Variants in SLC30A9 observed in about 807,000 individuals in gnomAD.
SLC30A9 encodes proton-coupled zinc antiporter SLC30A9, mitochondrial.
In SLC30A9, 58 loss-of-function variants were observed where a neutral mutation model predicts 87.5. The ratio of observed to expected loss-of-function variants is 0.66; its 90% CI spans 0.54 to 0.82. The LOEUF (loss-of-function observed/expected upper bound fraction) is 0.82, where lower values mean the gene tolerates loss of function less well. Ranked by LOEUF, SLC30A9 falls within the 40% of genes least tolerant of loss-of-function variation. The pLI, the probability that SLC30A9 is intolerant of heterozygous loss-of-function variation, is 0.00. For missense variants in SLC30A9, 557 were observed against 679.1 expected, an observed-to-expected ratio of 0.82 and a Z score of 2.00; for synonymous variants, 234 against 233.0, an observed-to-expected ratio of 1.00 and a Z score of -0.04.
Position 42,010,291 on chromosome 4 carries a change from G to A in SLC30A9, c.275-7820G>A, listed in dbSNP as rs1329316557. Among the ~76,000 whole-genome samples, 9 of 152,006 alleles carry A rather than the reference G, an allele frequency of 5.9e-5. No homozygotes were observed. The East Asian group carries it at 1.4e-3, about 23-fold the overall frequency. Reference sequence around the variant, plus strand: ...AGTTTGAGACCAGCCTGGGTAACATGGGGAGGGAGACCCTGTCTCTACAAA... The same window carrying A: ...AGTTTGAGACCAGCCTGGGTAACATAGGGAGGGAGACCCTGTCTCTACAAA... On this transcript the variant is annotated intron_variant, in intron 2 of 17. Transcript: ENST00000264451.
chr4:42,078,099 A>T (rs1221615797), intron 16 of SLC30A9, 113 bp from the exon 17 acceptor site: 16 of 567,968 alleles, frequency 2.8e-5, no homozygotes, highest in Non-Finnish European at 4.4e-5. Flanking sequence ...AGTTTTAAAA[A>T]TGTTCATTAA....
intron 2 of SLC30A9, among the ~76,000 whole-genome samples, chr4:42,010,830 C>T (rs1715408559): frequency 6.6e-6 from 1 of 152,072 alleles, no homozygotes; most frequent in African/African-American, 2.4e-5. Flanking sequence ...CATGTTATAT[C>T]AAAGAAATGG....
In SLC30A9 at chr4:41,992,227, T is replaced by C. The variant is rs527637849; in HGVS notation, c.109+1467T>C. Among the ~76,000 whole-genome samples the C allele has an allele frequency of 1.2e-4, 18 of 151,134 alleles. No individual in the cohort carries two copies. The East Asian group carries it at 1.6e-3, about 13-fold the overall frequency. On this transcript the variant is annotated intron_variant, in intron 1 of 17. Coordinates refer to ENST00000264451, the MANE Select transcript of SLC30A9 (RefSeq NM_006345.4). ...GTGACGCGCGCCTGTAATCCTAGCC[T>C]GTACTCAGGAGGCTGAGGTGGGAGG... is the stretch of plus-strand genomic sequence containing the variant.
rs80254124 is a variant in SLC30A9, at chr4:42,063,503, C to T, written c.1032+382C>T. Among the ~76,000 whole-genome samples, 36 of 152,274 alleles carry T rather than the reference C, an allele frequency of 2.4e-4. 1 individual carries two copies. The East Asian group carries it at 6.0e-3, about 25-fold the overall frequency. On this transcript the variant is annotated intron_variant, in intron 11 of 17. Coordinates refer to ENST00000264451, the MANE Select transcript of SLC30A9 (RefSeq NM_006345.4). Reference sequence around the variant, plus strand: ...CCCATGTAATAGTCATAAGTTGGAACTATATTTGAAGTTAAAGCTTCTCTT... The same window carrying T: ...CCCATGTAATAGTCATAAGTTGGAATTATATTTGAAGTTAAAGCTTCTCTT...
rs1408899018 is a variant in SLC30A9, at chr4:42,029,738, T to C, written c.611-5537T>C. ...ACAGCTACGAAGAGGGCAAACCACA[T>C]GTTATTATAAAGCTCAAGTGAGTTC... is the stretch of plus-strand genomic sequence containing the variant. On this transcript the variant is annotated intron_variant, in intron 6 of 17. Transcript: ENST00000264451. The C allele has an allele frequency of 6.9e-6, 5 of 728,938 alleles. No individual in the cohort carries two copies. The Admixed American group carries it at 9.4e-5, about 14-fold the overall frequency. 45.2% of individuals were successfully genotyped at this position (728,938 alleles called of 1,614,324 possible).
intron 2 of SLC30A9, among the ~76,000 whole-genome samples, chr4:42,016,454 AGAG>A (rs1715723492): frequency 6.6e-6 from 1 of 152,176 alleles, no homozygotes; most frequent in African/African-American, 2.4e-5. Flanking sequence ...GTGAAAAAAA[AGAG>A]GAAATAGCTT....
chr4:42,067,196 A>G lies in SLC30A9; in HGVS notation c.1252+4A>G. 1 of 1,499,970 alleles carries G rather than the reference A, an allele frequency of 6.7e-7. No individual in the cohort carries two copies. Among genetic ancestry groups the G allele is most frequent in the Non-Finnish European group, 9.3e-7 (1 of 1,077,116 alleles). 92.9% of individuals were successfully genotyped at this position (1,499,970 alleles called of 1,614,324 possible). On this transcript the variant is annotated splice_donor_region_variant and intron_variant, in intron 14 of 17. Coordinates refer to ENST00000264451, the MANE Select transcript of SLC30A9 (RefSeq NM_006345.4). ...ATGGGCCTTACTTCTATAACAGGTA[A>G]ATATTCCTTAAATTACAGGTGATTT... is the stretch of plus-strand genomic sequence containing the variant.
intron 1 of SLC30A9, among the ~76,000 whole-genome samples, chr4:42,000,660 A>T (rs1226234673): frequency 6.6e-6 from 1 of 152,026 alleles, no homozygotes; most frequent in Non-Finnish European, 1.5e-5. Flanking sequence ...TATGTTCCTG[A>T]TGAATTCTCT....
chr4:41,996,765 G>A (rs1560532743), intron 1 of SLC30A9, among the ~76,000 whole-genome samples: 1 of 152,048 alleles, frequency 6.6e-6, no homozygotes, highest in Non-Finnish European at 1.5e-5. Flanking sequence ...TGGGTGCGGT[G>A]GCTCATGCCT....
chr4:42,029,735 A>G (rs548573604), intron 6 of SLC30A9: 1 of 729,518 alleles, frequency 1.4e-6, no homozygotes, highest in African/African-American at 1.7e-5. Context: ...AGGGCAAACC[A>G]CATGTTATTA....
chr4:42,073,957 T>G (rs1354466984), intron 15 of SLC30A9, among the ~76,000 whole-genome samples: 1 of 152,126 alleles, frequency 6.6e-6, no homozygotes, highest in Non-Finnish European at 1.5e-5. Context: ...TGTAAGAACA[T>G]AAGGAAAAAG....
At chr4:42,007,424 G>A (rs1715255462) in intron 2 of SLC30A9, among the ~76,000 whole-genome samples, 1 of 152,158 alleles carries the variant, frequency 6.6e-6, no homozygotes, top group Non-Finnish European at 1.5e-5. Context: ...TGGTTATCCA[G>A]TGAATCTACT....
intron 9 of SLC30A9, among the ~76,000 whole-genome samples, chr4:42,050,007 G>A (rs903894858): frequency 6.6e-6 from 1 of 152,104 alleles, no homozygotes; most frequent in Admixed American, 6.5e-5. Context: ...ATTTTAAAGA[G>A]TGTGGTATAT....
At chr4:41,992,395 CAGAATCCCCA>C (rs1388282608) in intron 1 of SLC30A9, among the ~76,000 whole-genome samples, 3 of 151,920 alleles carry the variant, frequency 2.0e-5, no homozygotes, top group Admixed American at 2.0e-4. Flanking sequence ...TACTGTACTC[CAGAATCCCCA>C]AGTAAGTTTC....
In SLC30A9 at chr4:42,088,561, A is replaced by G. The variant is rs777991233; in HGVS notation, c.*2435A>G. On this transcript the variant is annotated 3_prime_UTR_variant, in exon 18 of 18. Coordinates refer to ENST00000264451, the MANE Select transcript of SLC30A9 (RefSeq NM_006345.4). ...GGGGAGGCCTCGGGAAACTTCATTCATGGCAGAATACGAAGGGGAAGCAGT... is the reference window on the plus strand; with the variant it reads ...GGGGAGGCCTCGGGAAACTTCATTCGTGGCAGAATACGAAGGGGAAGCAGT... 5 of 152,396 alleles carry G rather than the reference A, an allele frequency of 3.3e-5. No homozygotes were observed. The highest frequency in any genetic ancestry group is 9.6e-5 in the African/African-American group (4 of 41,458). 9.4% of individuals were successfully genotyped at this position (152,396 alleles called of 1,614,324 possible).
At chr4:42,085,323 ATCTGGAATCAGGCCTGGAG>A (rs1444038470) in intron 17 of SLC30A9, among the ~76,000 whole-genome samples, 1 of 152,168 alleles carries the variant, frequency 6.6e-6, no homozygotes, top group African/African-American at 2.4e-5. Context: ...GGAGCTTGGG[ATCTGGAATCAGGCCTGGAG>A]TCAGGCCTGG....
intron 15 of SLC30A9, among the ~76,000 whole-genome samples, chr4:42,071,098 A>G (rs1560559445): frequency 1.3e-5 from 2 of 152,106 alleles, no homozygotes; most frequent in Non-Finnish European, 2.9e-5. Context: ...AATATAATTT[A>G]TATTTACTTT....
At chr4:42,051,609 A>G (rs897951421) in intron 9 of SLC30A9, among the ~76,000 whole-genome samples, 2 of 152,232 alleles carry the variant, frequency 1.3e-5, no homozygotes, top group African/African-American at 4.8e-5. Flanking sequence ...CTGGTGTGAA[A>G]AATTCACTGT....
chr4:42,068,821 C>T (rs1718192300), intron 14 of SLC30A9, among the ~76,000 whole-genome samples: 1 of 152,108 alleles, frequency 6.6e-6, no homozygotes, highest in African/African-American at 2.4e-5. Flanking sequence ...AATGAAAAGA[C>T]AATTCTATTT....
Sources: gnomAD v4.1 joint callset for allele counts (sites outside exome capture counted in the v4.1 genomes callset) on GRCh38, gnomAD v4.1.1 for gene constraint, MANE v1.5 for transcripts, NCBI Gene and HGNC (gene_info 2026-07-23, HGNC 2026-07-21) for gene names.